The following UBAP2 variants were observed in gnomAD, a reference collection of about 807,000 sequenced individuals.
UBAP2 encodes the protein ubiquitin-associated protein 2.
In UBAP2, 75 loss-of-function variants were observed where a neutral mutation model predicts 139.6. That is an observed-to-expected ratio of 0.54 (90% CI 0.45 to 0.65). The LOEUF is 0.65. Among genes scored for constraint, UBAP2 ranks in the 30% least tolerant of loss-of-function variants. The pLI is 0.00. For synonymous variants in UBAP2, 526 were observed against 526.2 expected, an observed-to-expected ratio of 1.00 and a Z score of 0.01; for missense variants, 1,368 against 1,369.6, an observed-to-expected ratio of 1.00 and a Z score of 0.02.
intron 18 of UBAP2, among the ~76,000 whole-genome samples, chr9:33,933,276 G>A (rs1420041407): frequency 6.6e-6 from 1 of 152,186 alleles, no homozygotes; most frequent in Non-Finnish European, 1.5e-5. Flanking sequence ...CCAGTGCTCT[G>A]TGCCAGCAGA....
chr9:34,035,514 A>AAAAAAAAAATATATATAT lies in UBAP2; in HGVS notation c.-42+13310_-42+13311insATATATATATTTTTTTTT. The stretch of plus-strand genomic sequence containing the variant: ...GAGACTCCATCTAAAAAAAAAAAAA[A>AAAAAAAAAATATATATAT]ATATATATATATAAAGATTAGCCAG... On this transcript the variant is annotated intron_variant, in intron 1 of 28. Transcript: ENST00000379238. Among the ~76,000 whole-genome samples the AAAAAAAAAATATATATAT allele has an allele frequency of 1.4e-3, 31 of 22,486 alleles. 3 individuals carry two copies. The highest frequency in any genetic ancestry group is 2.8e-3 in the Admixed American group (4 of 1,446). The allele number at this position is 22,486 out of a possible 152,430, so 14.8% of individuals were successfully genotyped here. A position where few individuals can be genotyped will look rare whatever the true frequency, so the allele number is the denominator to read the frequency against.
At chr9:34,039,426 G>A (rs1195702915) in intron 1 of UBAP2, among the ~76,000 whole-genome samples, 1 of 152,188 alleles carries the variant, frequency 6.6e-6, no homozygotes, top group African/African-American at 2.4e-5. Context: ...GGAAATGTGG[G>A]GAAAAGATAG....
intron 2 of UBAP2, among the ~76,000 whole-genome samples, chr9:34,013,654 A>G (rs1216429088): frequency 2.0e-5 from 3 of 151,994 alleles, no homozygotes; most frequent in Non-Finnish European, 4.4e-5. Flanking sequence ...AGGTGGGCGG[A>G]TCACCTGAGG....
chr9:33,988,628 G>A (rs1021961553), intron 5 of UBAP2, among the ~76,000 whole-genome samples: 10 of 152,158 alleles, frequency 6.6e-5, no homozygotes, highest in African/African-American at 2.4e-4. Flanking sequence ...ATTAACAAAT[G>A]TGTCTGACTC....
chr9:34,028,418 C>T (rs1825601279), intron 1 of UBAP2, among the ~76,000 whole-genome samples: 1 of 143,428 alleles, frequency 7.0e-6, no homozygotes, highest in Non-Finnish European at 1.5e-5. Flanking sequence ...TCACTGTTGT[C>T]ACCCAGGCTG....
intron 17 of UBAP2, chr9:33,935,193 T>C (rs941996604): frequency 2.9e-5 from 4 of 138,276 alleles, no homozygotes; most frequent in Non-Finnish European, 6.3e-5. Flanking sequence ...TTCTCCCAAA[T>C]GTCCACAGTG....
Position 33,927,058 on chromosome 9 carries a change from AG to A in UBAP2, c.2393del (p.Pro798LeufsTer14). 1.2e-6 allele frequency: 2 copies of A among 1,613,178 alleles called. No homozygotes were observed. The highest frequency in any genetic ancestry group is 1.7e-6 in the Non-Finnish European group (2 of 1,179,566). Reference protein sequence around the residue: ...VTSGKAPPNLPQGVPPLLHNQ... With the variant: ...VTSGKAPPNLXQGVPPLLHNQ... ...TGTGCAGCAGGGGAGGCACCCCCTG[AG>A]GTAAGTTTGGGGGTGCTTTGCCTGT... is the stretch of plus-strand genomic sequence containing the variant. On this transcript the variant is annotated frameshift_variant, in exon 21 of 29. Coordinates refer to ENST00000379238, the MANE Select transcript of UBAP2 (RefSeq NM_001370062.2). LOFTEE classifies it high-confidence loss of function.
In UBAP2 at chr9:34,017,196, G is replaced by C; in HGVS notation, c.-41-7C>G. The C allele has an allele frequency of 7.5e-7, 1 of 1,339,026 alleles. No homozygotes were observed. The highest frequency in any genetic ancestry group is 1.0e-6 in the Non-Finnish European group (1 of 980,616). 82.9% of individuals were successfully genotyped at this position (1,339,026 alleles called of 1,614,324 possible). On this transcript the variant is annotated splice_polypyrimidine_tract_variant and splice_region_variant and intron_variant, in intron 1 of 28. Transcript: ENST00000379238. ...TATGTACAAAATAGAAAATCTGCAA[G>C]AAAGTAGGGATGGTAAGCAAAACAA...
chr9:34,020,458 G>A (rs1195419150), intron 1 of UBAP2, among the ~76,000 whole-genome samples: 3 of 151,822 alleles, frequency 2.0e-5, no homozygotes, highest in African/African-American at 7.3e-5. Flanking sequence ...CCGAATAACT[G>A]GGACCAGAGG....
At chr9:34,038,955 G>A (rs1414184648) in intron 1 of UBAP2, among the ~76,000 whole-genome samples, 11 of 147,958 alleles carry the variant, frequency 7.4e-5, no homozygotes, top group African/African-American at 1.5e-4. Flanking sequence ...TGTGAGGAGC[G>A]CCTCTGCCCG....
rs149161309 is a variant in UBAP2 at position 33,927,846 on chromosome 9, G to C, written c.2322C>G (p.Pro774=). ...TGCTACTGCTGCTGGATGCACTCGCGGGGGTCCCACCCAGACAGAGGCTGT... is the reference window on the plus strand; with the variant it reads ...TGCTACTGCTGCTGGATGCACTCGCCGGGGTCCCACCCAGACAGAGGCTGT... The part of the protein sequence containing the change: ...TANSLCLGGT[P]ASASSSSSRA... The change falls in exon 20 of 29, where the codon CCC becomes CCG. Residue 774 remains proline (P), a synonymous_variant. Transcript: ENST00000379238. 1.9e-6 allele frequency: 3 copies of C among 1,614,076 alleles called. No homozygotes were observed. Among genetic ancestry groups the C allele is most frequent in the Admixed American group, 1.7e-5 (1 of 60,016 alleles).
At chr9:34,047,941 T>C (rs887608399) in intron 1 of UBAP2, among the ~76,000 whole-genome samples, 7 of 152,102 alleles carry the variant, frequency 4.6e-5, no homozygotes, top group Non-Finnish European at 8.8e-5. Context: ...CAATATCCAA[T>C]AGAAGTGGTA....
At chr9:34,041,737 A>G (rs549445210) in intron 1 of UBAP2, among the ~76,000 whole-genome samples, 46 of 152,146 alleles carry the variant, frequency 3.0e-4, no homozygotes, top group African/African-American at 1.0e-3. Context: ...AGAAATCTAC[A>G]TGGGGGCTGG....
intron 1 of UBAP2, among the ~76,000 whole-genome samples, chr9:34,022,393 C>A (rs1825027887): frequency 1.3e-5 from 2 of 151,566 alleles, no homozygotes; most frequent in Admixed American, 6.6e-5. Context: ...GATCACTTAA[C>A]CCACAGTTCA....
intron 6 of UBAP2, among the ~76,000 whole-genome samples, chr9:33,978,073 C>T (rs1351214186): frequency 1.3e-5 from 2 of 148,322 alleles, no homozygotes; most frequent in African/African-American, 4.9e-5. Flanking sequence ...AATATGGAGT[C>T]TTTCATGGAT....
At chr9:34,032,013 C>CG (rs1427469853) in intron 1 of UBAP2, among the ~76,000 whole-genome samples, 1 of 151,850 alleles carries the variant, frequency 6.6e-6, no homozygotes, top group Non-Finnish European at 1.5e-5. Flanking sequence ...GGTATGGTGG[C>CG]GCATGCCTGT....
chr9:34,038,559 G>A (rs985035312), intron 1 of UBAP2, among the ~76,000 whole-genome samples: 13 of 152,214 alleles, frequency 8.5e-5, no homozygotes, highest in Admixed American at 6.5e-4. Flanking sequence ...TGCCGGGATT[G>A]CAGACAGTGT....
In UBAP2 at chr9:34,017,055, C is replaced by G; in HGVS notation, c.94G>C (p.Val32Leu). The change falls in exon 2 of 29, where the codon GTA becomes CTA. Residue 32 changes from valine (V) to leucine (L), a missense_variant. Coordinates refer to ENST00000379238, the MANE Select transcript of UBAP2 (RefSeq NM_001370062.2). ...AQSTQPQKQV[V>L]QATAEQMRLA... The stretch of plus-strand genomic sequence containing the variant: ...AGAGTTCCACAAAAACTTACCTGTA[C>G]CACTTGTTTCTGTGGTTGCGTTGAT... 1 of 1,592,122 alleles carries G rather than the reference C, an allele frequency of 6.3e-7. No homozygotes were observed. Among genetic ancestry groups the G allele is most frequent in the Non-Finnish European group, 8.5e-7 (1 of 1,173,730 alleles).
intron 12 of UBAP2, among the ~76,000 whole-genome samples, chr9:33,952,190 T>C (rs1826157136): frequency 6.6e-6 from 1 of 152,212 alleles, no homozygotes; most frequent in African/African-American, 2.4e-5. Flanking sequence ...TAATTATCCC[T>C]AGTAAGAGCT....
Sources: gnomAD v4.1 joint callset for allele counts (sites outside exome capture counted in the v4.1 genomes callset) on GRCh38, gnomAD v4.1.1 for gene constraint, MANE v1.5 for transcripts, NCBI Gene and HGNC (gene_info 2026-07-23, HGNC 2026-07-21) for gene names.